Variants in EPHB2 observed in about 807,000 individuals in gnomAD.
EPHB2 encodes EPH receptor B2.
A neutral mutation model predicts 96.4 loss-of-function variants in EPHB2; 18 were observed. The observed-to-expected ratio is 0.19, with a 90% CI of 0.13 to 0.28. The LOEUF (loss-of-function observed/expected upper bound fraction) is 0.28. EPHB2 is among the 10% of genes least tolerant of loss of function. EPHB2 has a pLI of 1.00. For synonymous variants in EPHB2, 506 were observed against 534.1 expected (o/e 0.95, Z 0.72); for missense variants, 989 against 1,355.4 (o/e 0.73, Z 4.25).
rs948977519 is a variant in EPHB2 at position 22,905,237 on chromosome 1, T to A, written c.1766-750T>A. Among the ~76,000 whole-genome samples, 16 of 152,122 alleles carry A rather than the reference T, an allele frequency of 1.1e-4. No homozygotes were observed. The East Asian group carries it at 2.7e-3, about 26-fold the overall frequency. On this transcript the variant is annotated intron_variant, in intron 9 of 15. Transcript: ENST00000374630. ...GACAGAAGAGAGGGAGAACAAAAAA[T>A]AATAATAATAATAAAACTAAAATAT...
chr1:22,716,337 CT>C lies in EPHB2; in HGVS notation c.61+5305del, dbSNP rs1022101056. Among the ~76,000 whole-genome samples the C allele has an allele frequency of 4.4e-4, 65 of 147,174 alleles. No homozygotes were observed. The East Asian group carries it at 5.6e-3, about 13-fold the overall frequency. ...ATCAGCGCCAAAGTGGGGACAGGTTCTTTTTTTTTTTCGAGATGGAGTCTCA... is the reference window on the plus strand; with the variant it reads ...ATCAGCGCCAAAGTGGGGACAGGTTCTTTTTTTTTTCGAGATGGAGTCTCA... On this transcript the variant is annotated intron_variant, in intron 1 of 15. Coordinates refer to ENST00000374630, the MANE Select transcript of EPHB2 (RefSeq NM_017449.5).
chr1:22,833,411 C>A (rs879880386), intron 3 of EPHB2, among the ~76,000 whole-genome samples: 2 of 152,184 alleles, frequency 1.3e-5, no homozygotes, highest in Non-Finnish European at 2.9e-5. Flanking sequence ...AGCCACCATG[C>A]CCGGCCTCAT....
chr1:22,712,647 G>A (rs755537491), intron 1 of EPHB2, among the ~76,000 whole-genome samples: 1 of 152,190 alleles, frequency 6.6e-6, no homozygotes, highest in African/African-American at 2.4e-5. Context: ...CGGCTCCTGG[G>A]GGATTTGGCG....
intron 1 of EPHB2, among the ~76,000 whole-genome samples, chr1:22,725,448 T>C (rs1198390300): frequency 1.3e-5 from 2 of 151,994 alleles, no homozygotes; most frequent in African/African-American, 4.8e-5. Flanking sequence ...GTTGGATAAA[T>C]CGATGAAATC....
At chr1:22,836,662 G>C (rs1052728900) in intron 3 of EPHB2, 1 of 152,548 alleles carries the variant, frequency 6.6e-6, no homozygotes, top group African/African-American at 2.4e-5. Context: ...CCCACCTTTT[G>C]TCTCACCTTT....
chr1:22,882,392 G>T lies in EPHB2; in HGVS notation c.1337G>T (p.Ser446Ile), dbSNP rs1207656881. 37 of 1,614,054 alleles carry T rather than the reference G, an allele frequency of 2.3e-5. No individual in the cohort carries two copies. Among genetic ancestry groups the T allele is most frequent in the Non-Finnish European group, 3.1e-5 (36 of 1,180,036 alleles). Residue 446 changes from serine (S) to isoleucine (I), a missense_variant, in exon 6 of 16, where the codon AGC becomes ATC. By Grantham distance (142) the Ser-to-Ile change is moderately radical (BLOSUM62 -2). Coordinates refer to ENST00000374630, the MANE Select transcript of EPHB2 (RefSeq NM_017449.5). Reference sequence around the variant, plus strand: ...GCAGTGTCCATCATGCATCAGGTGAGCCGCACCGTGGACAGCATTACCCTG... The same window carrying T: ...GCAGTGTCCATCATGCATCAGGTGATCCGCACCGTGGACAGCATTACCCTG... The part of the protein sequence containing the change: ...PSAVSIMHQV[S>I]RTVDSITLSW...
chr1:22,721,441 G>A (rs560457309), intron 1 of EPHB2, among the ~76,000 whole-genome samples: 6 of 152,258 alleles, frequency 3.9e-5, no homozygotes, highest in Admixed American at 3.9e-4. Context: ...AGACTTGTGA[G>A]CTGGCCTGCG....
chr1:22,725,380 A>C (rs896719181), intron 1 of EPHB2, among the ~76,000 whole-genome samples: 1 of 152,066 alleles, frequency 6.6e-6, no homozygotes, highest in African/African-American at 2.4e-5. Flanking sequence ...GATAGGTAAC[A>C]GGTTGGTTTC....
chr1:22,893,611 A>C (rs191997770), intron 7 of EPHB2, among the ~76,000 whole-genome samples: 14 of 152,292 alleles, frequency 9.2e-5, no homozygotes, highest in African/African-American at 3.1e-4. Context: ...CAGTTTAAAG[A>C]ATGTGGGCTC....
chr1:22,760,671 G>C (rs1644223229), intron 1 of EPHB2, among the ~76,000 whole-genome samples: 1 of 152,126 alleles, frequency 6.6e-6, no homozygotes. Context: ...TGAGACCGCA[G>C]AGGCTGGGCC....
chr1:22,766,928 G>T (rs899821965), intron 1 of EPHB2, among the ~76,000 whole-genome samples: 1 of 152,244 alleles, frequency 6.6e-6, no homozygotes, highest in Non-Finnish European at 1.5e-5. Context: ...ACTGGGCCCA[G>T]CTGTGGCCTG....
chr1:22,885,932 A>G (rs1639210288), intron 6 of EPHB2, among the ~76,000 whole-genome samples: 1 of 152,184 alleles, frequency 6.6e-6, no homozygotes, highest in African/African-American at 2.4e-5. Flanking sequence ...GGTTCAGTCA[A>G]CTTTCACTCT....
At chr1:22,865,459 TC>T (rs1463770476) in intron 5 of EPHB2, among the ~76,000 whole-genome samples, 1 of 152,210 alleles carries the variant, frequency 6.6e-6, no homozygotes, top group Non-Finnish European at 1.5e-5. Flanking sequence ...AACAAAAAGA[TC>T]CAACATTAGG....
intron 3 of EPHB2, among the ~76,000 whole-genome samples, chr1:22,794,181 C>T (rs4654815): frequency 0.74 from 113,008 of 151,988 alleles, 42,356 homozygotes; most frequent in Middle Eastern, 0.84. Flanking sequence ...AGATAACCGG[C>T]TAAGGGGCTC....
At chr1:22,833,901 G>A (rs1398527439) in intron 3 of EPHB2, among the ~76,000 whole-genome samples, 2 of 152,056 alleles carry the variant, frequency 1.3e-5, no homozygotes, top group South Asian at 4.2e-4. Context: ...TTATGTATCA[G>A]CAAATATTCT....
At chr1:22,811,972 G>A (rs12131718) in intron 3 of EPHB2, among the ~76,000 whole-genome samples, 39,404 of 151,926 alleles carry the variant, frequency 0.26, 5,687 homozygotes, top group African/African-American at 0.39. Flanking sequence ...CTAAGAGGTC[G>A]AGGCTGCAGT....
intron 4 of EPHB2, among the ~76,000 whole-genome samples, chr1:22,863,602 C>T (rs1638355844): frequency 6.6e-6 from 1 of 152,236 alleles, no homozygotes; most frequent in Admixed American, 6.5e-5. Context: ...CGCAGCGTCA[C>T]AACCCCTGTA....
chr1:22,784,767 C>T lies in EPHB2; in HGVS notation c.502C>T (p.Pro168Ser), dbSNP rs751856545. The T allele has an allele frequency of 3.8e-5, 61 of 1,609,262 alleles. 1 individual carries two copies. Among genetic ancestry groups the T allele is most frequent in the Non-Finnish European group, 4.9e-5 (58 of 1,176,504 alleles). ...CAACACCGAGGTGCGGAGCTTCGGA[C>T]CTGTGTCCCGCAGCGGCTTCTACCT... is the stretch of plus-strand genomic sequence containing the variant. ...KINTEVRSFG[P>S]VSRSGFYLAF... is the part of the protein sequence containing the mutation. Residue 168 changes from proline to serine, a missense_variant, in exon 3 of 16, where the codon CCT becomes TCT. Pro to Ser is a moderately conservative substitution (Grantham distance 74, BLOSUM62 -1). Coordinates refer to ENST00000374630, the MANE Select transcript of EPHB2 (RefSeq NM_017449.5). This position sits in a 1 kb window ranked among gnomAD's most constrained non-coding sequence, Gnocchi z 5.1.
chr1:22,850,514 C>G (rs1020079479), intron 3 of EPHB2, among the ~76,000 whole-genome samples: 9 of 152,236 alleles, frequency 5.9e-5, no homozygotes, highest in Admixed American at 1.3e-4. Context: ...GGGCCTGGGC[C>G]TGGCCCTGCC....
Sources: gnomAD v4.1 joint callset for allele counts (sites outside exome capture counted in the v4.1 genomes callset) on GRCh38, gnomAD v4.1.1 for gene constraint, Gnocchi (gnomAD v3.1) non-coding constraint, MANE v1.5 for transcripts, NCBI Gene and HGNC (gene_info 2026-07-23, HGNC 2026-07-21) for gene names.